Variants in MPPED1 observed in about 807,000 individuals in gnomAD.
The protein encoded by MPPED1 is metallophosphoesterase domain containing 1, also known as metallophosphoesterase domain-containing protein 1.
Under a neutral mutation model 36.2 loss-of-function variants are expected in MPPED1, and 16 were observed. The ratio of observed to expected loss-of-function variants is 0.44; its 90% confidence interval spans 0.30 to 0.67. The LOEUF (loss-of-function observed/expected upper bound fraction) is 0.67, where lower values mean the gene tolerates loss of function less well. MPPED1 is among the 30% of genes least tolerant of loss of function. The pLI is 0.10. For synonymous variants in MPPED1, 199 were observed against 191.3 expected, an observed-to-expected ratio of 1.04 and a Z score of -0.33; for missense variants, 307 against 453.4, an observed-to-expected ratio of 0.68 and a Z score of 2.93.
intron 3 of MPPED1, among the ~76,000 whole-genome samples, chr22:43,471,082 G>T (rs1931359593): frequency 6.6e-6 from 1 of 152,256 alleles, no homozygotes. Context: ...AGAAGAAGAG[G>T]GGAGAGCTGA....
chr22:43,463,835 C>CTT lies in MPPED1; in HGVS notation c.407-10899_407-10898dup, dbSNP rs753249978. Among the ~76,000 whole-genome samples the CTT allele has an allele frequency of 4.1e-3, 501 of 120,926 alleles. 15 individuals carry two copies. Among genetic ancestry groups the CTT allele is most frequent in the African/African-American group, 0.015 (457 of 30,726 alleles). 79.3% of individuals were successfully genotyped at this position (120,926 alleles called of 152,430 possible). A position where few individuals can be genotyped will look rare whatever the true frequency, so the allele number is the denominator to read the frequency against. ...TCTTTCTTTCTTTCTTTCTTTCTTT[C>CTT]TTTCTTTCTTTCTTTCTTTCTTTCT... is the stretch of plus-strand genomic sequence containing the variant. On this transcript the variant is annotated intron_variant, in intron 3 of 6. Coordinates refer to ENST00000443721, the MANE Select transcript of MPPED1 (RefSeq NM_001044370.2).
At chr22:43,467,046 C>G (rs1374585335) in intron 3 of MPPED1, among the ~76,000 whole-genome samples, 1 of 152,194 alleles carries the variant, frequency 6.6e-6, no homozygotes, top group Admixed American at 6.5e-5. Flanking sequence ...GTGGGGCTCA[C>G]GTGTCTTCAT....
rs1271236178 is a variant in MPPED1, at chr22:43,500,212, T to C, written c.748+1862T>C. On this transcript the variant is annotated intron_variant, in intron 5 of 6. Transcript: ENST00000443721. Reference sequence around the variant, plus strand: ...GTGATGGAGGTGGTAATGGAGGTGGTGGGGGTGATGGTGGAGGTGGTGATG... The same window carrying C: ...GTGATGGAGGTGGTAATGGAGGTGGCGGGGGTGATGGTGGAGGTGGTGATG... 5.5e-4 allele frequency among the ~76,000 whole-genome samples: 43 copies of C among 77,660 alleles called. 3 individuals carry two copies. The highest frequency in any genetic ancestry group is 5.7e-4 in the Non-Finnish European group (24 of 41,862). The allele number at this position is 77,660 out of a possible 152,430, so 50.9% of individuals were successfully genotyped here.
At chr22:43,492,739 C>T (rs373058722) in intron 4 of MPPED1, among the ~76,000 whole-genome samples, 1 of 152,176 alleles carries the variant, frequency 6.6e-6, no homozygotes, top group African/African-American at 2.4e-5. Flanking sequence ...TTCTTCTTCT[C>T]CCCCAAGAAC....
chr22:43,496,481 GAGA>G (rs1296453021), intron 4 of MPPED1, among the ~76,000 whole-genome samples: 1 of 69,478 alleles, frequency 1.4e-5, no homozygotes. Context: ...GGTGGTGGTG[GAGA>G]TGGTGGTGGT....
At chr22:43,475,658 GTGGTGATGTGGTGA>G (rs1424520527) in intron 4 of MPPED1, among the ~76,000 whole-genome samples, 28 of 141,132 alleles carry the variant, frequency 2.0e-4, no homozygotes, top group Admixed American at 9.1e-4. Context: ...GATGGTTGTG[GTGGTGATGTGGTGA>G]TGGTGATGTG....
At chr22:43,478,840 C>G (rs1447371856) in intron 4 of MPPED1, among the ~76,000 whole-genome samples, 1 of 152,124 alleles carries the variant, frequency 6.6e-6, no homozygotes, top group South Asian at 2.1e-4. Context: ...CCTGTCTGAG[C>G]CCTGGGCTTC....
chr22:43,464,444 G>C (rs1004765853), intron 3 of MPPED1, among the ~76,000 whole-genome samples: 3 of 151,980 alleles, frequency 2.0e-5, no homozygotes, highest in Non-Finnish European at 4.4e-5. Context: ...CCCAGTTTTT[G>C]CTTTCCAAGT....
At chr22:43,437,225 G>T (rs761742927) in intron 3 of MPPED1, among the ~76,000 whole-genome samples, 8 of 152,350 alleles carry the variant, frequency 5.3e-5, no homozygotes, top group Non-Finnish European at 7.3e-5. Context: ...GGTGATCATG[G>T]CTGAGAGATG....
At chr22:43,462,064 C>A (rs1474296356) in intron 3 of MPPED1, among the ~76,000 whole-genome samples, 1 of 152,056 alleles carries the variant, frequency 6.6e-6, no homozygotes, top group African/African-American at 2.4e-5. Flanking sequence ...AGCACTCGGA[C>A]CCTCAGAATC....
chr22:43,500,322 A>ATGGTGG (rs1195470436), intron 5 of MPPED1, among the ~76,000 whole-genome samples: 1 of 20,188 alleles, frequency 5.0e-5, no homozygotes, highest in African/African-American at 1.6e-4. Flanking sequence ...GGAGGTGGTG[A>ATGGTGG]TGGTGGTGGT....
At chr22:43,456,159 C>G (rs2146860054) in intron 3 of MPPED1, among the ~76,000 whole-genome samples, 1 of 152,326 alleles carries the variant, frequency 6.6e-6, no homozygotes, top group South Asian at 2.1e-4. Context: ...ATTGCCCCAG[C>G]TAGAACCTCA....
At chr22:43,434,937 TGG>T in intron 2 of MPPED1, 95 bp from the exon 3 acceptor site, 2 of 1,323,120 alleles carry the variant, frequency 1.5e-6, no homozygotes, top group Non-Finnish European at 2.1e-6. Flanking sequence ...GCGGGATTGA[TGG>T]GGCTGTGAGC....
chr22:43,486,072 G>C (rs765230970), intron 4 of MPPED1, among the ~76,000 whole-genome samples: 1 of 152,232 alleles, frequency 6.6e-6, no homozygotes, highest in Non-Finnish European at 1.5e-5. Context: ...ACTGGGCAGA[G>C]GACAGAGGAA....
intron 5 of MPPED1, among the ~76,000 whole-genome samples, chr22:43,500,388 GTGA>G (rs1289734597): frequency 3.7e-4 from 56 of 149,906 alleles, no homozygotes; most frequent in African/African-American, 1.3e-3. Context: ...GGTGGTGATG[GTGA>G]TGGAGGTGGT....
At position 43,434,396 on chromosome 22, in the gene MPPED1, CT is replaced by C. The variant is rs765792286; in HGVS notation, c.225-637del. Among the ~76,000 whole-genome samples, 14 of 152,318 alleles carry C rather than the reference CT, an allele frequency of 9.2e-5. No individual in the cohort carries two copies. The South Asian group carries it at 2.5e-3, about 27-fold the overall frequency. ...AAACTCCCCCTCCCGTGCTGCTGTC[CT>C]GCGACGGCGGACGTGCGCTGCACAG... is the stretch of plus-strand genomic sequence containing the variant. On this transcript the variant is annotated intron_variant, in intron 2 of 6. Coordinates refer to ENST00000443721, the MANE Select transcript of MPPED1 (RefSeq NM_001044370.2).
intron 3 of MPPED1, among the ~76,000 whole-genome samples, chr22:43,465,518 G>T (rs183849016): frequency 5.3e-5 from 8 of 152,170 alleles, no homozygotes; most frequent in African/African-American, 1.4e-4. Flanking sequence ...GCGGTAGAGC[G>T]CTGAACAAGG....
intron 4 of MPPED1, among the ~76,000 whole-genome samples, chr22:43,490,493 G>C (rs536798622): frequency 6.6e-6 from 1 of 152,144 alleles, no homozygotes; most frequent in African/African-American, 2.4e-5. Context: ...CTTGGTGTTG[G>C]GTGAGGGGAA....
At chr22:43,425,839 G>C (rs1003320713) in intron 2 of MPPED1, among the ~76,000 whole-genome samples, 1 of 152,246 alleles carries the variant, frequency 6.6e-6, no homozygotes. Context: ...CGGGGCATTG[G>C]GGGTGCTCAA....
Sources: allele counts gnomAD v4.1 joint callset (sites outside exome capture counted in the v4.1 genomes callset), GRCh38; gene constraint gnomAD v4.1.1; transcripts MANE v1.5; gene names NCBI Gene and HGNC (gene_info 2026-07-23, HGNC 2026-07-21).